NCALD: variants seen among roughly 807,000 people sequenced by gnomAD.
The protein encoded by NCALD is neurocalcin-delta.
In NCALD, 10 loss-of-function variants were observed where a neutral mutation model predicts 18.6. That is an observed-to-expected ratio of 0.54 (90% CI 0.33 to 0.91). The LOEUF (loss-of-function observed/expected upper bound fraction) is 0.91, where lower values mean the gene tolerates loss of function less well. NCALD is among the 40% of genes least tolerant of loss of function. The pLI is 0.03. For missense variants in NCALD, 184 were observed against 247.6 expected (o/e 0.74, Z 1.72); for synonymous variants, 88 against 87.4 (o/e 1.01, Z -0.04).
intron 2 of NCALD, among the ~76,000 whole-genome samples, chr8:101,991,312 C>G (rs1821039152): frequency 6.6e-6 from 1 of 152,114 alleles, no homozygotes; most frequent in Admixed American, 6.5e-5. Flanking sequence ...GCCACCAATG[C>G]TACCTGTTCC....
rs1586272172 is a variant in NCALD, at chr8:101,711,862, G to C, written c.378+7390C>G. Among the ~76,000 whole-genome samples the C allele has an allele frequency of 2.0e-5, 3 of 152,240 alleles. No homozygotes were observed. In the South Asian group the frequency reaches 6.2e-4, roughly 32 times the overall value. On this transcript the variant is annotated intron_variant, in intron 2 of 3. Transcript: ENST00000220931. ...GTAACACACTTCAGAATATTATCCAGGAGAACGTCCCCAACCTAGCAAGAC... is the reference window on the plus strand; with the variant it reads ...GTAACACACTTCAGAATATTATCCACGAGAACGTCCCCAACCTAGCAAGAC...
chr8:101,880,138 G>A (rs913688367), intron 4 of NCALD, among the ~76,000 whole-genome samples: 1 of 152,174 alleles, frequency 6.6e-6, no homozygotes, highest in African/African-American at 2.4e-5. Flanking sequence ...CCCGAGCCCT[G>A]CCCTGCTGGG....
At chr8:102,101,143 A>C (rs1825266294) in intron 1 of NCALD, among the ~76,000 whole-genome samples, 6 of 152,234 alleles carry the variant, frequency 3.9e-5, no homozygotes, top group Admixed American at 3.9e-4. Flanking sequence ...ACGTGAAGCC[A>C]GTCAGGATGT....
chr8:101,948,883 TAAC>T (rs1819280256), intron 2 of NCALD, among the ~76,000 whole-genome samples: 1 of 152,156 alleles, frequency 6.6e-6, no homozygotes, highest in Non-Finnish European at 1.5e-5. Flanking sequence ...AAAATGGTGA[TAAC>T]AACATCTGTA....
intron 4 of NCALD, among the ~76,000 whole-genome samples, chr8:101,831,212 T>C (rs1227194056): frequency 3.9e-5 from 6 of 152,192 alleles, no homozygotes; most frequent in Non-Finnish European, 7.4e-5. Flanking sequence ...TATAGGCCAC[T>C]GGTCTAGTGA....
At chr8:101,846,643 G>A (rs1487812310) in intron 4 of NCALD, among the ~76,000 whole-genome samples, 1 of 152,184 alleles carries the variant, frequency 6.6e-6, no homozygotes, top group Non-Finnish European at 1.5e-5. Context: ...GTCGAGACAA[G>A]CAGAGCATGA....
At chr8:101,730,884 GCT>G (rs1189659841) in intron 1 of NCALD, among the ~76,000 whole-genome samples, 4 of 152,172 alleles carry the variant, frequency 2.6e-5, no homozygotes, top group African/African-American at 9.7e-5. Flanking sequence ...TTTTAATGGT[GCT>G]TATGGTGTAG....
At chr8:101,760,099 A>G (rs554162822) in intron 1 of NCALD, among the ~76,000 whole-genome samples, 3 of 152,314 alleles carry the variant, frequency 2.0e-5, no homozygotes, top group Admixed American at 6.5e-5. Context: ...TCCAAGGGCT[A>G]CTGACTGATA....
chr8:102,052,385 C>T (rs934598192), intron 1 of NCALD, among the ~76,000 whole-genome samples: 3 of 152,206 alleles, frequency 2.0e-5, no homozygotes, highest in Non-Finnish European at 4.4e-5. Flanking sequence ...CAACTCCATT[C>T]ACAGGCTCCC....
intron 4 of NCALD, among the ~76,000 whole-genome samples, chr8:101,852,086 C>A (rs1048001325): frequency 2.0e-5 from 3 of 152,162 alleles, no homozygotes; most frequent in African/African-American, 7.2e-5. Context: ...TTGAACTGAA[C>A]TTCCCAGCCT....
At chr8:102,112,296 T>G (rs1825664529) in intron 1 of NCALD, among the ~76,000 whole-genome samples, 1 of 152,134 alleles carries the variant, frequency 6.6e-6, no homozygotes, top group African/African-American at 2.4e-5. Context: ...TTGCTTCCGT[T>G]GTCACCTGAA....
intron 1 of NCALD, among the ~76,000 whole-genome samples, chr8:101,758,894 T>G (rs938145453): frequency 6.6e-6 from 1 of 152,208 alleles, no homozygotes; most frequent in Admixed American, 6.5e-5. Flanking sequence ...CCCAACCTAC[T>G]TAAATTGGAG....
At chr8:101,899,238 C>T (rs11997578) in intron 3 of NCALD, among the ~76,000 whole-genome samples, 10,287 of 152,006 alleles carry the variant, frequency 0.068, 723 homozygotes, top group African/African-American at 0.18. Context: ...GTTTATCTTA[C>T]ATCCTGCAAC....
chr8:101,725,399 C>G (rs540950399), intron 1 of NCALD, among the ~76,000 whole-genome samples: 7 of 152,320 alleles, frequency 4.6e-5, no homozygotes, highest in African/African-American at 1.7e-4. Context: ...TGCACCATCC[C>G]CTTTCCAGCT....
chr8:101,689,350 G>T lies in NCALD; in HGVS notation c.541C>A (p.Arg181Ser). ...CTGCTCGGGTCGCACTGCAGGAGGCGCACAATGGACGGGTCGCTTTTGGCT... is the reference window on the plus strand; with the variant it reads ...CTGCTCGGGTCGCACTGCAGGAGGCTCACAATGGACGGGTCGCTTTTGGCT... ...RGAKSDPSIV[R>S]LLQCDPSSAG... The change falls in exon 4 of 4, where the codon CGC becomes AGC. Residue 181 changes from arginine (R) to serine (S), a missense_variant. Physicochemically the swap from Arg to Ser is moderately radical, Grantham distance 110 (BLOSUM62 -1). Coordinates refer to ENST00000220931, the MANE Select transcript of NCALD (RefSeq NM_032041.3). The surrounding 1 kb of genome is among the most constrained non-coding windows in gnomAD (Gnocchi z 4.4). 6.2e-7 allele frequency: 1 copy of T among 1,613,418 alleles called. No homozygotes were observed. Among genetic ancestry groups the T allele is most frequent in the Non-Finnish European group, 8.5e-7 (1 of 1,179,710 alleles).
chr8:101,865,196 TTG>T (rs1815719458), intron 4 of NCALD, among the ~76,000 whole-genome samples: 1 of 152,208 alleles, frequency 6.6e-6, no homozygotes, highest in Non-Finnish European at 1.5e-5. Context: ...TCTAATTTCA[TTG>T]TAGCCAAAGA....
At chr8:101,814,194 A>G (rs1034617791) in intron 4 of NCALD, among the ~76,000 whole-genome samples, 5 of 151,974 alleles carry the variant, frequency 3.3e-5, no homozygotes, top group Admixed American at 3.3e-4. Flanking sequence ...ACCCAAAGAC[A>G]TAACAAAAAA....
chr8:101,907,764 T>A (rs1335740309), intron 3 of NCALD, among the ~76,000 whole-genome samples: 1 of 152,208 alleles, frequency 6.6e-6, no homozygotes, highest in East Asian at 1.9e-4. Context: ...TCCAGGCAAC[T>A]TCCAAGGAGT....
At position 101,709,774 on chromosome 8, in the gene NCALD, C is replaced by T. The variant is rs144931385; in HGVS notation, c.378+9478G>A. Among the ~76,000 whole-genome samples, 1,175 of 152,300 alleles carry T rather than the reference C, an allele frequency of 7.7e-3. 10 individuals carry two copies. Among genetic ancestry groups the T allele is most frequent in the South Asian group, 0.034 (164 of 4,828 alleles). On this transcript the variant is annotated intron_variant, in intron 2 of 3. Coordinates refer to ENST00000220931, the MANE Select transcript of NCALD (RefSeq NM_032041.3). Reference sequence around the variant, plus strand: ...CAGCAGAGCTGAGGGACAGGAACTACGTTGGGCAGGAAGAATTCTTCCTCT... The same window carrying T: ...CAGCAGAGCTGAGGGACAGGAACTATGTTGGGCAGGAAGAATTCTTCCTCT...
Sources: allele counts gnomAD v4.1 joint callset (sites outside exome capture counted in the v4.1 genomes callset), GRCh38; gene constraint gnomAD v4.1.1; non-coding constraint Gnocchi (gnomAD v3.1); transcripts MANE v1.5; gene names NCBI Gene and HGNC (gene_info 2026-07-23, HGNC 2026-07-21).